Variants in PCDH15 observed in about 807,000 individuals in gnomAD.
PCDH15 encodes the protein protocadherin-15.
Under a neutral mutation model 178.5 loss-of-function variants are expected in PCDH15, and 129 were observed. That is an observed-to-expected ratio of 0.72 (90% CI 0.63 to 0.84). The LOEUF (loss-of-function observed/expected upper bound fraction) is 0.84. PCDH15 is among the 40% of genes least tolerant of loss of function. The probability of loss-of-function intolerance (pLI) is 0.00; values close to 1 mark genes in which losing one functional copy is unlikely to be tolerated. For missense variants in PCDH15, 2,230 were observed against 2,099.9 expected, an observed-to-expected ratio of 1.06 and a Z score of -1.21; for synonymous variants, 800 against 732.0, an observed-to-expected ratio of 1.09 and a Z score of -1.50.
At chr10:54,551,632 A>T (rs1421826938) in intron 2 of PCDH15, among the ~76,000 whole-genome samples, 4 of 152,256 alleles carry the variant, frequency 2.6e-5, no homozygotes, top group African/African-American at 9.6e-5. Flanking sequence ...CTCTTGAAAA[A>T]TATGTATATA....
chr10:54,128,853 T>C (rs886388535), intron 15 of PCDH15, among the ~76,000 whole-genome samples: 1 of 152,184 alleles, frequency 6.6e-6, no homozygotes, highest in Non-Finnish European at 1.5e-5. Flanking sequence ...TAAAATAAAT[T>C]GTATATATTT....
chr10:54,270,923 A>C (rs1196284642), intron 8 of PCDH15, among the ~76,000 whole-genome samples: 2 of 152,138 alleles, frequency 1.3e-5, no homozygotes, highest in Non-Finnish European at 2.9e-5. Context: ...GTCAGATGGC[A>C]ATGGCTGCAC....
At chr10:55,451,628 T>C (rs2132081489) in intron 2 of PCDH15, among the ~76,000 whole-genome samples, 1 of 152,308 alleles carries the variant, frequency 6.6e-6, no homozygotes, top group African/African-American at 2.4e-5. Flanking sequence ...AAAAATGAAT[T>C]CATTCAGAAG....
At chr10:54,596,254 C>T in intron 2 of PCDH15, among the ~76,000 whole-genome samples, 1 of 152,170 alleles carries the variant, frequency 6.6e-6, no homozygotes, top group East Asian at 1.9e-4. Context: ...ATCAGACTAA[C>T]AGCAGACCTC....
At chr10:54,063,910 G>C (rs2094083789) in intron 18 of PCDH15, among the ~76,000 whole-genome samples, 1 of 152,190 alleles carries the variant, frequency 6.6e-6, no homozygotes, top group Admixed American at 6.5e-5. Context: ...TCCCTGAAGA[G>C]CCGCAACTCT....
intron 10 of PCDH15, among the ~76,000 whole-genome samples, chr10:54,204,242 T>C (rs1215415995): frequency 2.0e-5 from 3 of 152,078 alleles, no homozygotes; most frequent in Middle Eastern, 3.2e-3. Context: ...AGTATATGGT[T>C]GTGGAACATA....
intron 13 of PCDH15, among the ~76,000 whole-genome samples, chr10:54,169,635 C>T (rs1346203311): frequency 6.6e-6 from 1 of 151,124 alleles, no homozygotes; most frequent in East Asian, 1.9e-4. Flanking sequence ...TGTATCCCCC[C>T]ACCTTAACCT....
intron 2 of PCDH15, chr10:55,469,301 A>G (rs1839907544): frequency 6.6e-6 from 1 of 152,114 alleles, no homozygotes; most frequent in African/African-American, 2.4e-5. Context: ...ATATATTTAT[A>G]GCTTTTTGTG....
intron 3 of PCDH15, among the ~76,000 whole-genome samples, chr10:54,451,230 G>A (rs6481098): frequency 0.13 from 19,180 of 151,646 alleles, 1,314 homozygotes; most frequent in East Asian, 0.29. Context: ...ATTGGCACTT[G>A]GAAACTATTT....
intron 21 of PCDH15, among the ~76,000 whole-genome samples, chr10:53,966,711 CATTT>C (rs1214476489): frequency 1.3e-5 from 2 of 151,884 alleles, no homozygotes; most frequent in African/African-American, 2.4e-5. Flanking sequence ...TATGAATTAG[CATTT>C]ATTAAGTATC....
rs541171821 is a variant in PCDH15 at position 53,925,339 on chromosome 10, A to G, written c.3373+13476T>C. 1.1e-3 allele frequency among the ~76,000 whole-genome samples: 172 copies of G among 152,238 alleles called. 1 individual carries two copies. The highest frequency in any genetic ancestry group is 4.1e-3 in the African/African-American group (171 of 41,552). Reference sequence around the variant, plus strand: ...TGCCACCTTAAGAGCTGTAACGCTTACCGCGAAGGTCTGCAGTTTCACTCC... The same window carrying G: ...TGCCACCTTAAGAGCTGTAACGCTTGCCGCGAAGGTCTGCAGTTTCACTCC... On this transcript the variant is annotated intron_variant, in intron 25 of 37. Coordinates refer to ENST00000644397, the MANE Select transcript of PCDH15 (RefSeq NM_001384140.1).
chr10:55,239,099 A>G (rs1841476475), intron 1 of PCDH15, among the ~76,000 whole-genome samples: 1 of 152,142 alleles, frequency 6.6e-6, no homozygotes, highest in Non-Finnish European at 1.5e-5. Context: ...ACAAATGAGT[A>G]AGAATATGTG....
chr10:54,198,442 A>AT (rs2049891038), intron 10 of PCDH15, among the ~76,000 whole-genome samples: 2 of 143,448 alleles, frequency 1.4e-5, no homozygotes, highest in South Asian at 2.3e-4. Flanking sequence ...TTTTGAACAG[A>AT]TTTTTTTCTC....
At chr10:55,453,880 A>G (rs913002134) in intron 2 of PCDH15, among the ~76,000 whole-genome samples, 4 of 152,188 alleles carry the variant, frequency 2.6e-5, no homozygotes, top group Non-Finnish European at 5.9e-5. Context: ...AGCTTCTGCT[A>G]TATCTGGAGA....
intron 2 of PCDH15, among the ~76,000 whole-genome samples, chr10:54,536,834 A>G (rs1217846644): frequency 6.6e-6 from 1 of 152,022 alleles, no homozygotes; most frequent in Non-Finnish European, 1.5e-5. Context: ...ATTTCATTCT[A>G]TTTTTATGGC....
intron 1 of PCDH15, among the ~76,000 whole-genome samples, chr10:55,207,355 C>G (rs577073995): frequency 1.3e-5 from 2 of 152,036 alleles, no homozygotes; most frequent in Non-Finnish European, 2.9e-5. Context: ...AGAGTATTCC[C>G]TAAACCTCAG....
At chr10:53,879,878 C>CT (rs1233113373) in intron 26 of PCDH15, among the ~76,000 whole-genome samples, 1 of 152,202 alleles carries the variant, frequency 6.6e-6, no homozygotes, top group Non-Finnish European at 1.5e-5. Context: ...TCTTTAACTC[C>CT]TGGCCTCATG....
intron 2 of PCDH15, among the ~76,000 whole-genome samples, chr10:54,584,412 C>A (rs1411232573): frequency 6.6e-6 from 1 of 151,990 alleles, no homozygotes; most frequent in Non-Finnish European, 1.5e-5. Context: ...TTTAAAGGAA[C>A]TGTATTTGCT....
chr10:53,975,938 A>T (rs867875971), intron 21 of PCDH15, among the ~76,000 whole-genome samples: 2 of 152,112 alleles, frequency 1.3e-5, no homozygotes, highest in Admixed American at 6.6e-5. Context: ...TATCAAAAAA[A>T]TTTTTGTATG....
Sources: gnomAD v4.1 joint callset for allele counts (sites outside exome capture counted in the v4.1 genomes callset) on GRCh38, gnomAD v4.1.1 for gene constraint, MANE v1.5 for transcripts, NCBI Gene and HGNC (gene_info 2026-07-23, HGNC 2026-07-21) for gene names.